The following ATG7 variants were observed in gnomAD, a reference collection of about 807,000 sequenced individuals.
ATG7 encodes the protein autophagy related 7, also known as ubiquitin-like modifier-activating enzyme ATG7.
ATG7 carries 70 observed loss-of-function variants against 82.4 expected under a neutral mutation model. The ratio of observed to expected loss-of-function variants is 0.85; its 90% CI spans 0.70 to 1.04. ATG7 has a LOEUF of 1.04. Ranked by LOEUF, ATG7 falls within the 50% of genes least tolerant of loss-of-function variation. The pLI is 0.00. For missense variants in ATG7, 792 were observed against 864.3 expected, an observed-to-expected ratio of 0.92 and a Z score of 1.05; for synonymous variants, 287 against 313.0, an observed-to-expected ratio of 0.92 and a Z score of 0.88.
intron 20 of ATG7, among the ~76,000 whole-genome samples, chr3:11,450,859 A>C (rs980685426): frequency 6.6e-6 from 1 of 152,158 alleles, no homozygotes; most frequent in Middle Eastern, 3.2e-3. Context: ...CCCAACCTCA[A>C]CTGCTTTTCT....
chr3:11,308,064 C>T (rs1575334548), intron 6 of ATG7, among the ~76,000 whole-genome samples: 1 of 152,240 alleles, frequency 6.6e-6, no homozygotes, highest in South Asian at 2.1e-4. Flanking sequence ...GCCCAGAATT[C>T]TCCTAGCAGC....
chr3:11,565,904 C>T, the ATG7 span, among the ~76,000 whole-genome samples: 2 of 152,228 alleles, frequency 1.3e-5, no homozygotes, highest in East Asian at 3.8e-4. The surrounding 1 kb of genome is among the most constrained non-coding windows in gnomAD (Gnocchi z 4.1). Context: ...ACAGTTCCAT[C>T]TGCCTTGGGT....
intron 20 of ATG7, among the ~76,000 whole-genome samples, chr3:11,493,713 A>C (rs1291506451): frequency 6.6e-6 from 1 of 151,624 alleles, no homozygotes; most frequent in African/African-American, 2.4e-5. Context: ...ACTTAGATAC[A>C]AAAAACAAAA....
chr3:11,277,893 C>G lies in ATG7; in HGVS notation c.-365-3101C>G, dbSNP rs1002954369. Among the ~76,000 whole-genome samples, 10 of 82,362 alleles carry G rather than the reference C, an allele frequency of 1.2e-4. 2 individuals are homozygous for G. The highest frequency in any genetic ancestry group is 5.7e-4 in the South Asian group (1 of 1,748). The allele number at this position is 82,362 out of a possible 152,430, so 54.0% of individuals were successfully genotyped here. A position where few individuals can be genotyped will look rare whatever the true frequency, so the allele number is the denominator to read the frequency against. ...ACTCCCAGAGCGGCCCTTTATAGACCCCCCCCCCCCCACCAGGAATGCATT... is the reference window on the plus strand; with the variant it reads ...ACTCCCAGAGCGGCCCTTTATAGACGCCCCCCCCCCCACCAGGAATGCATT... On this transcript the variant is annotated intron_variant, in intron 1 of 20. Coordinates refer to ENST00000693202, the MANE Select transcript of ATG7 (RefSeq NM_001349232.2).
At chr3:11,307,207 A>T in intron 6 of ATG7, 147 bp downstream of exon 6, 1 of 767,998 alleles carries the variant, frequency 1.3e-6, no homozygotes, top group Non-Finnish European at 2.2e-6. Context: ...ATTTCTCCAG[A>T]GAGAATACTC....
intron 20 of ATG7, among the ~76,000 whole-genome samples, chr3:11,475,796 C>T (rs538611195): frequency 6.6e-6 from 1 of 151,202 alleles, no homozygotes; most frequent in East Asian, 2.0e-4. Flanking sequence ...CCATTGATAC[C>T]CTGTACCCTA....
At chr3:11,334,192 A>G (rs1952052128) in intron 11 of ATG7, among the ~76,000 whole-genome samples, 1 of 152,174 alleles carries the variant, frequency 6.6e-6, no homozygotes, top group Non-Finnish European at 1.5e-5. Flanking sequence ...TCTTGCCAGA[A>G]TAATTCCTCA....
intron 19 of ATG7, among the ~76,000 whole-genome samples, chr3:11,407,156 C>T (rs2080422332): frequency 6.6e-6 from 1 of 152,190 alleles, no homozygotes; most frequent in African/African-American, 2.4e-5. Flanking sequence ...TACAGCCATT[C>T]CAAATTGGAG....
chr3:11,436,184 G>A (rs1481375549), intron 20 of ATG7, among the ~76,000 whole-genome samples: 2 of 152,282 alleles, frequency 1.3e-5, no homozygotes, highest in East Asian at 3.9e-4. Flanking sequence ...CTCCAAAGAA[G>A]ATATACAGAT....
chr3:11,494,455 C>A (rs1274744271), intron 20 of ATG7, among the ~76,000 whole-genome samples: 1 of 152,094 alleles, frequency 6.6e-6, no homozygotes, highest in Admixed American at 6.5e-5. Context: ...TGGGAGAGTC[C>A]ATTTCTGTGT....
chr3:11,273,835 A>G (rs1240984709), intron 1 of ATG7, among the ~76,000 whole-genome samples: 1 of 152,136 alleles, frequency 6.6e-6, no homozygotes, highest in Non-Finnish European at 1.5e-5. Flanking sequence ...TCTGAAACGT[A>G]CAGGGTCATG....
chr3:11,476,974 T>C (rs2088324965), intron 20 of ATG7, among the ~76,000 whole-genome samples: 1 of 152,178 alleles, frequency 6.6e-6, no homozygotes, highest in South Asian at 2.1e-4. Flanking sequence ...ACCTTTCCAG[T>C]TTTCCTTATT....
intron 9 of ATG7, among the ~76,000 whole-genome samples, chr3:11,318,973 T>G (rs1949832927): frequency 6.6e-6 from 1 of 152,216 alleles, no homozygotes; most frequent in Admixed American, 6.5e-5. Flanking sequence ...AATTGTTGAT[T>G]TGCTTTTCTG....
intron 19 of ATG7, among the ~76,000 whole-genome samples, chr3:11,394,398 A>G (rs113303014): frequency 2.0e-5 from 3 of 152,324 alleles, no homozygotes; most frequent in African/African-American, 7.2e-5. Context: ...TTAAACATCA[A>G]ATCACTATTA....
At chr3:11,486,547 T>G (rs1039983703) in intron 20 of ATG7, among the ~76,000 whole-genome samples, 1 of 150,364 alleles carries the variant, frequency 6.7e-6, no homozygotes, top group Non-Finnish European at 1.5e-5. Flanking sequence ...CCTGCCTAAT[T>G]ACCCTGGCCA....
chr3:11,505,948 C>A (rs924021472), intron 20 of ATG7, among the ~76,000 whole-genome samples: 1 of 152,180 alleles, frequency 6.6e-6, no homozygotes, highest in Non-Finnish European at 1.5e-5. Flanking sequence ...AGTCACTAAG[C>A]CCCTTTGAGA....
intron 20 of ATG7, among the ~76,000 whole-genome samples, chr3:11,539,890 C>A (rs1482556809): frequency 1.3e-5 from 2 of 152,218 alleles, no homozygotes; most frequent in Non-Finnish European, 2.9e-5. Flanking sequence ...TGCATCATTG[C>A]GTGTGTCAGC....
chr3:11,342,401 T>G, intron 13 of ATG7, 122 bp downstream of exon 13: 1 of 1,240,756 alleles, frequency 8.1e-7, no homozygotes. Context: ...CCTCCCTTCC[T>G]TTTTCCTTTT....
At chr3:11,399,813 A>T (rs1041022741) in intron 19 of ATG7, among the ~76,000 whole-genome samples, 2 of 152,264 alleles carry the variant, frequency 1.3e-5, no homozygotes, top group Middle Eastern at 6.8e-3. Context: ...ACCTCAGGTA[A>T]TCTGCCCACC....
Sources: gnomAD v4.1 joint callset for allele counts (sites outside exome capture counted in the v4.1 genomes callset) on GRCh38, gnomAD v4.1.1 for gene constraint, Gnocchi (gnomAD v3.1) non-coding constraint, MANE v1.5 for transcripts, NCBI Gene and HGNC (gene_info 2026-07-23, HGNC 2026-07-21) for gene names.